The following FAT2 variants were observed in gnomAD, a reference collection of about 807,000 sequenced individuals.
FAT2 encodes FAT atypical cadherin 2, also known as protocadherin Fat 2.
FAT2 carries 150 observed loss-of-function variants against 295.3 expected under a neutral mutation model. The ratio of observed to expected loss-of-function variants is 0.51; its 90% confidence interval spans 0.44 to 0.58. The LOEUF (loss-of-function observed/expected upper bound fraction) is 0.58. FAT2 is among the 20% of genes least tolerant of loss of function. The pLI, the probability that FAT2 is intolerant of heterozygous loss-of-function variation, is 0.00. For missense variants in FAT2, 4,868 were observed against 5,442.7 expected (o/e 0.89, Z 3.32); for synonymous variants, 2,026 against 2,150.3 (o/e 0.94, Z 1.60).
chr5:151,524,459 A>T (rs938824808), intron 18 of FAT2, among the ~76,000 whole-genome samples: 3 of 152,110 alleles, frequency 2.0e-5, no homozygotes, highest in Non-Finnish European at 4.4e-5. Flanking sequence ...TGAGAAGCCG[A>T]CAGTCTGCCA....
intron 3 of FAT2, among the ~76,000 whole-genome samples, chr5:151,557,002 G>A (rs1757755725): frequency 6.6e-6 from 1 of 152,176 alleles, no homozygotes; most frequent in Non-Finnish European, 1.5e-5. Flanking sequence ...GAAGTTCCCA[G>A]CTACTTCCTG....
chr5:151,587,645 C>A (rs1367754365), intron 1 of FAT2, among the ~76,000 whole-genome samples: 1 of 152,140 alleles, frequency 6.6e-6, no homozygotes, highest in East Asian at 1.9e-4. Context: ...TGTGTTTTAC[C>A]ACCTACCCCA....
At chr5:151,587,775 G>A (rs370541833) in intron 1 of FAT2, among the ~76,000 whole-genome samples, 1 of 152,174 alleles carries the variant, frequency 6.6e-6, no homozygotes, top group Admixed American at 6.5e-5. Flanking sequence ...GACTTACAGG[G>A]ATTAGCTTAA....
intron 18 of FAT2, among the ~76,000 whole-genome samples, chr5:151,524,944 T>C (rs1753835648): frequency 1.3e-5 from 2 of 152,220 alleles, no homozygotes; most frequent in South Asian, 4.1e-4. Context: ...TTCCTTATCA[T>C]CATTTGTAAA....
rs544265614 is a variant in FAT2, at chr5:151,566,726, G to A, written c.2206C>T (p.Arg736Cys). ...GCATCAGGGTCAGTGGCTGCTAGGC[G>A]GGCCAAGGGGGTGTTGATAGGGACA... is the stretch of plus-strand genomic sequence containing the variant. ...ESVPINTPLA[R>C]LAATDPDAGF... Residue 736 changes from arginine to cysteine, a missense_variant, in exon 2 of 24, where the codon CGC (arginine) becomes TGC (cysteine). By Grantham distance (180) the Arg-to-Cys change is radical. Transcript: ENST00000261800. 8.1e-6 allele frequency: 13 copies of A among 1,614,140 alleles called. No individual in the cohort carries two copies. The highest frequency in any genetic ancestry group is 4.5e-5 in the East Asian group (2 of 44,882).
intron 11 of FAT2, among the ~76,000 whole-genome samples, chr5:151,538,261 G>C (rs1755693381): frequency 6.6e-6 from 1 of 152,238 alleles, no homozygotes; most frequent in South Asian, 2.1e-4. Context: ...CCCACAGGCA[G>C]GGCTAGAAGG....
intron 7 of FAT2, among the ~76,000 whole-genome samples, chr5:151,551,219 C>G (rs1033110373): frequency 1.3e-5 from 2 of 152,144 alleles, no homozygotes; most frequent in African/African-American, 2.4e-5. Flanking sequence ...CATAGTAGCC[C>G]CATTGTACTC....
At chr5:151,538,972 G>A (rs1001079967) in intron 11 of FAT2, among the ~76,000 whole-genome samples, 1 of 151,990 alleles carries the variant, frequency 6.6e-6, no homozygotes, top group Non-Finnish European at 1.5e-5. Flanking sequence ...AGACGTGGAT[G>A]GAAGTTTTAT....
At chr5:151,547,890 T>C (rs1581407779) in intron 9 of FAT2, among the ~76,000 whole-genome samples, 1 of 152,188 alleles carries the variant, frequency 6.6e-6, no homozygotes, top group East Asian at 1.9e-4. Context: ...TGGTTATGTG[T>C]TGTGTTCTTT....
At position 151,512,656 on chromosome 5, in the gene FAT2, A is replaced by G; in HGVS notation, c.11464-50T>C. On this transcript the variant is annotated intron_variant, in intron 20 of 23. Coordinates refer to ENST00000261800, the MANE Select transcript of FAT2 (RefSeq NM_001447.3). This position sits in a 1 kb window ranked among gnomAD's most constrained non-coding sequence, Gnocchi z 4.1. Reference sequence around the variant, plus strand: ...TCAGCAAAGCCAAGGAGTCCTTGTAAACCTGCTAAGAGGCTGCCAGTTCAA... The same window carrying G: ...TCAGCAAAGCCAAGGAGTCCTTGTAGACCTGCTAAGAGGCTGCCAGTTCAA... The G allele has an allele frequency of 6.7e-7, 1 of 1,489,550 alleles. No homozygotes were observed. 92.3% of individuals were successfully genotyped at this position (1,489,550 alleles called of 1,614,324 possible).
In FAT2 at chr5:151,529,290, G is replaced by T; in HGVS notation, c.9914C>A (p.Thr3305Asn). The T allele has an allele frequency of 1.2e-6, 2 of 1,614,042 alleles. No homozygotes were observed. The highest frequency in any genetic ancestry group is 1.7e-6 in the Non-Finnish European group (2 of 1,179,946). The part of the protein sequence containing the change: ...RKSSSSLSDV[T>N]TVMVNITDVN... The stretch of plus-strand genomic sequence containing the variant: ...ATCAGTGATGTTGACCATGACTGTG[G>T]TCACGTCACTGAGGGAAGAGGAGCT... The change falls in exon 15 of 24, where the codon ACC becomes AAC. Residue 3305 changes from threonine to asparagine, a missense_variant. Thr to Asn is a moderately conservative substitution (Grantham distance 65, BLOSUM62 0). Transcript: ENST00000261800.
chr5:151,559,525 C>T (rs900724505), intron 3 of FAT2, among the ~76,000 whole-genome samples: 1 of 151,890 alleles, frequency 6.6e-6, no homozygotes, highest in Non-Finnish European at 1.5e-5. Context: ...CCTTTCCTCC[C>T]TGCCCTTCTC....
intron 1 of FAT2, among the ~76,000 whole-genome samples, chr5:151,586,539 C>T (rs949685829): frequency 2.0e-5 from 3 of 152,134 alleles, no homozygotes; most frequent in Non-Finnish European, 4.4e-5. Context: ...GCACTGTGGT[C>T]GGCCAAGGGG....
At chr5:151,516,587 A>AT (rs1409815179) in intron 20 of FAT2, among the ~76,000 whole-genome samples, 1 of 152,104 alleles carries the variant, frequency 6.6e-6, no homozygotes, top group Non-Finnish European at 1.5e-5. Flanking sequence ...TTTTGCTCAT[A>AT]ATACTTATCA....
upstream of FAT2, among the ~76,000 whole-genome samples, chr5:151,594,286 G>A (rs546245346): frequency 1.3e-5 from 2 of 152,290 alleles, no homozygotes; most frequent in Admixed American, 6.5e-5. Flanking sequence ...CTGGCCTGGC[G>A]TGTGCCTCTC....
In FAT2 at chr5:151,512,803, C is replaced by T. The variant is rs1160948063; in HGVS notation, c.11464-197G>A. 4 of 597,818 alleles carry T rather than the reference C, an allele frequency of 6.7e-6. No homozygotes were observed. Among genetic ancestry groups the T allele is most frequent in the Admixed American group, 3.0e-5 (1 of 33,622 alleles). The allele number at this position is 597,818 out of a possible 1,614,324, so 37.0% of individuals were successfully genotyped here. A position where few individuals can be genotyped will look rare whatever the true frequency, so the allele number is the denominator to read the frequency against. ...TTGATGGTCTCCTTTGTTCTCACCA[C>T]ACCCCATGGGATGGTCTGGGTAGGG... On this transcript the variant is annotated intron_variant, in intron 20 of 23. Transcript: ENST00000261800. This position sits in a 1 kb window ranked among gnomAD's most constrained non-coding sequence, Gnocchi z 4.1.
In FAT2 at chr5:151,564,408, A is replaced by G. The variant is rs577369948; in HGVS notation, c.3260-769T>C. 2.2e-4 allele frequency among the ~76,000 whole-genome samples: 33 copies of G among 152,336 alleles called. 1 individual carries two copies. Among genetic ancestry groups the G allele is most frequent in the Admixed American group, 2.1e-3 (32 of 15,308 alleles). ...GGGTCTGGGATTGACTCTTAATCTAATGCTCTTTCTAATTAAACAGCTTAA... is the reference window on the plus strand; with the variant it reads ...GGGTCTGGGATTGACTCTTAATCTAGTGCTCTTTCTAATTAAACAGCTTAA... On this transcript the variant is annotated intron_variant, in intron 2 of 23. Transcript: ENST00000261800.
chr5:151,513,296 A>T (rs1032163072), intron 20 of FAT2, among the ~76,000 whole-genome samples: 1 of 152,226 alleles, frequency 6.6e-6, no homozygotes, highest in South Asian at 2.1e-4. Context: ...ATACACTCAT[A>T]TGTTGATTGC....
In FAT2 at chr5:151,531,762, T is replaced by C. The variant is rs1754635804; in HGVS notation, c.9636A>G (p.Glu3212=). The C allele has an allele frequency of 1.2e-6, 2 of 1,612,892 alleles. No homozygotes were observed. The highest frequency in any genetic ancestry group is 2.7e-5 in the African/African-American group (2 of 74,990). Residue 3212 remains glutamate, a synonymous_variant, in exon 14 of 24, where the codon GAA becomes GAG. Coordinates refer to ENST00000261800, the MANE Select transcript of FAT2 (RefSeq NM_001447.3). The surrounding 1 kb of genome is among the most constrained non-coding windows in gnomAD (Gnocchi z 5.7). The part of the protein sequence containing the change: ...GTVTVSVVGL[E]DYLPVFLNTE... ...TGTTCAGGAACACGGGCAGGTAGTC[T>C]TCTAGGCCCACCACCGAGACTGTGA... is the stretch of plus-strand genomic sequence containing the variant.
Sources: allele counts gnomAD v4.1 joint callset (sites outside exome capture counted in the v4.1 genomes callset), GRCh38; gene constraint gnomAD v4.1.1; non-coding constraint Gnocchi (gnomAD v3.1); transcripts MANE v1.5; gene names NCBI Gene and HGNC (gene_info 2026-07-23, HGNC 2026-07-21).